The following GABRA4 variants were observed in gnomAD, a reference collection of about 807,000 sequenced individuals.
The protein encoded by GABRA4 is gamma-aminobutyric acid type A receptor subunit alpha4.
In GABRA4, 12 loss-of-function variants were observed where a neutral mutation model predicts 49.7. The ratio of observed to expected loss-of-function variants is 0.24; its 90% CI spans 0.15 to 0.39. GABRA4 has a LOEUF of 0.39. Among genes scored for constraint, GABRA4 ranks in the 10% least tolerant of loss-of-function variants. GABRA4 has a pLI of 1.00. For missense variants in GABRA4, 506 were observed against 686.0 expected (o/e 0.74, Z 2.93); for synonymous variants, 288 against 240.2 (o/e 1.20, Z -1.84).
intron 7 of GABRA4, among the ~76,000 whole-genome samples, chr4:46,969,170 C>T (rs570698798): frequency 2.0e-5 from 3 of 151,640 alleles, no homozygotes; most frequent in African/African-American, 4.8e-5. Flanking sequence ...TCTGCCTCCA[C>T]ATTCTGCACT....
intron 8 of GABRA4, among the ~76,000 whole-genome samples, chr4:46,952,626 C>A (rs1334103246): frequency 6.6e-6 from 1 of 151,966 alleles, no homozygotes; most frequent in Non-Finnish European, 1.5e-5. Flanking sequence ...ATTAGCTCCT[C>A]AAAATAGCAA....
chr4:46,987,713 C>T (rs576328342), intron 2 of GABRA4, among the ~76,000 whole-genome samples: 64 of 152,138 alleles, frequency 4.2e-4, no homozygotes, highest in Admixed American at 4.0e-3. Context: ...TTATTCCAAG[C>T]AACCATCAAC....
chr4:46,959,844 G>A (rs535056659), intron 8 of GABRA4, among the ~76,000 whole-genome samples: 1 of 148,958 alleles, frequency 6.7e-6, no homozygotes, highest in South Asian at 2.1e-4. Context: ...ATGTGTGTGT[G>A]TGTGTGTATG....
intron 8 of GABRA4, among the ~76,000 whole-genome samples, chr4:46,958,792 C>T (rs1382022406): frequency 1.3e-5 from 2 of 151,858 alleles, no homozygotes; most frequent in Non-Finnish European, 2.9e-5. Flanking sequence ...TAAGCCTGTG[C>T]CAGGTTATCA....
intron 8 of GABRA4, among the ~76,000 whole-genome samples, chr4:46,944,779 A>C (rs551102707): frequency 6.6e-6 from 1 of 152,196 alleles, no homozygotes; most frequent in East Asian, 1.9e-4. Flanking sequence ...TCAAATCAGG[A>C]CCATTGCATC....
chr4:46,943,311 C>T (rs1721879238), intron 8 of GABRA4, among the ~76,000 whole-genome samples: 1 of 152,122 alleles, frequency 6.6e-6, no homozygotes, highest in Admixed American at 6.6e-5. Flanking sequence ...GCCTTATTCT[C>T]TTTTCCTTTC....
At chr4:46,956,736 A>T (rs1722381103) in intron 8 of GABRA4, among the ~76,000 whole-genome samples, 1 of 152,036 alleles carries the variant, frequency 6.6e-6, no homozygotes, top group Non-Finnish European at 1.5e-5. Flanking sequence ...AGGTAAAAAA[A>T]ATTGCCATCA....
chr4:46,919,999 G>A lies in GABRA4; in HGVS notation c.*8226C>T, dbSNP rs935710122. On this transcript the variant is annotated 3_prime_UTR_variant, in exon 9 of 9. Transcript: ENST00000264318. ...TGAAAAATGAAAGCTCTGATTTACTGTATACTTGAACTAGGAGACAATATA... is the reference window on the plus strand; with the variant it reads ...TGAAAAATGAAAGCTCTGATTTACTATATACTTGAACTAGGAGACAATATA... The A allele has an allele frequency of 6.6e-6, 1 of 151,624 alleles. No homozygotes were observed. 9.4% of individuals were successfully genotyped at this position (151,624 alleles called of 1,614,324 possible).
chr4:46,931,804 G>C (rs1487333502), intron 8 of GABRA4, among the ~76,000 whole-genome samples: 1 of 152,096 alleles, frequency 6.6e-6, no homozygotes, highest in Non-Finnish European at 1.5e-5. Flanking sequence ...GAGCTCATTT[G>C]GAGAATAGCC....
chr4:46,980,582 A>G (rs1253549406), intron 2 of GABRA4, among the ~76,000 whole-genome samples: 1 of 152,100 alleles, frequency 6.6e-6, no homozygotes, highest in Non-Finnish European at 1.5e-5. Flanking sequence ...TAGTAAGAGA[A>G]AAAGTCTGAA....
chr4:46,977,977 T>G (rs1344103419), intron 3 of GABRA4, among the ~76,000 whole-genome samples: 1 of 152,066 alleles, frequency 6.6e-6, no homozygotes, highest in South Asian at 2.1e-4. Flanking sequence ...TCAGTTAAAG[T>G]GTAAAAAATA....
chr4:46,922,058 C>T lies in GABRA4; in HGVS notation c.*6167G>A, dbSNP rs916639700. On this transcript the variant is annotated 3_prime_UTR_variant, in exon 9 of 9. Transcript: ENST00000264318. ...TTCATACGATTTTACTATATACTTCCGAATAGTGGAATGTAGAGGTAAAGA... is the reference window on the plus strand; with the variant it reads ...TTCATACGATTTTACTATATACTTCTGAATAGTGGAATGTAGAGGTAAAGA... 2 of 151,818 alleles carry T rather than the reference C, an allele frequency of 1.3e-5. No individual in the cohort carries two copies. The highest frequency in any genetic ancestry group is 4.8e-5 in the African/African-American group (2 of 41,316). 9.4% of individuals were successfully genotyped at this position (151,818 alleles called of 1,614,324 possible).
At position 46,969,878 on chromosome 4, in the gene GABRA4, T is replaced by C. The variant is rs563713617; in HGVS notation, c.874+1205A>G. ...ACACTTTGAGTTGTGCAGTTATTCT[T>C]TAATTGAACCCTTATAACTCTTTAA... On this transcript the variant is annotated intron_variant, in intron 7 of 8. Transcript: ENST00000264318. 7.9e-5 allele frequency among the ~76,000 whole-genome samples: 12 copies of C among 151,580 alleles called. No homozygotes were observed. The South Asian group carries it at 1.7e-3, about 21-fold the overall frequency.
Position 46,928,003 on chromosome 4 carries a change from A to T in GABRA4, c.*222T>A, listed in dbSNP as rs915670189. The T allele has an allele frequency of 2.3e-6, 1 of 438,478 alleles. No individual in the cohort carries two copies. The highest frequency in any genetic ancestry group is 4.2e-5 in the East Asian group (1 of 24,064). 27.2% of individuals were successfully genotyped at this position (438,478 alleles called of 1,614,324 possible). ...TCCAGGATGGTGTGTATTCTATCTA[A>T]CTGAATGCTGAGTTCTTTTAAAATA... is the stretch of plus-strand genomic sequence containing the variant. On this transcript the variant is annotated 3_prime_UTR_variant, in exon 9 of 9. Coordinates refer to ENST00000264318, the MANE Select transcript of GABRA4 (RefSeq NM_000809.4).
At chr4:46,974,896 A>G (rs969410060) in intron 5 of GABRA4, among the ~76,000 whole-genome samples, 1 of 151,958 alleles carries the variant, frequency 6.6e-6, no homozygotes, top group Non-Finnish European at 1.5e-5. Flanking sequence ...CCTCTGGGCA[A>G]TATCCACTGT....
rs188423139 is a variant in GABRA4 at position 46,925,817 on chromosome 4, C to T, written c.*2408G>A. Reference sequence around the variant, plus strand: ...ATTTATTTTAATAATAATGTTTAAGCTTTCTGGTTAATGTGTTCTTCAAAT... The same window carrying T: ...ATTTATTTTAATAATAATGTTTAAGTTTTCTGGTTAATGTGTTCTTCAAAT... On this transcript the variant is annotated 3_prime_UTR_variant, in exon 9 of 9. Transcript: ENST00000264318. 85 of 148,244 alleles carry T rather than the reference C, an allele frequency of 5.7e-4. No homozygotes were observed. The highest frequency in any genetic ancestry group is 1.1e-3 in the Non-Finnish European group (71 of 67,130). The allele number at this position is 148,244 out of a possible 1,614,324, so 9.2% of individuals were successfully genotyped here. A position where few individuals can be genotyped will look rare whatever the true frequency, so the allele number is the denominator to read the frequency against.
intron 8 of GABRA4, among the ~76,000 whole-genome samples, chr4:46,935,739 G>C (rs1020963918): frequency 6.6e-6 from 1 of 152,086 alleles, no homozygotes; most frequent in African/African-American, 2.4e-5. Context: ...GATGGGTGCA[G>C]CACGCCACCA....
At chr4:46,973,514 A>G (rs1723029192) in intron 6 of GABRA4, among the ~76,000 whole-genome samples, 1 of 151,762 alleles carries the variant, frequency 6.6e-6, no homozygotes, top group Non-Finnish European at 1.5e-5. Flanking sequence ...TCTGTTGTTT[A>G]TGAGCCGCCC....
intron 1 of GABRA4, 134 bp from the exon 2 acceptor site, chr4:46,993,080 G>T: frequency 1.3e-6 from 1 of 746,822 alleles, no homozygotes. Flanking sequence ...GTTGGGGGTT[G>T]GGATGCAGAA....
Sources: allele counts gnomAD v4.1 joint callset (sites outside exome capture counted in the v4.1 genomes callset), GRCh38; gene constraint gnomAD v4.1.1; transcripts MANE v1.5; gene names NCBI Gene and HGNC (gene_info 2026-07-23, HGNC 2026-07-21).